Variants in MS4A12 observed in about 807,000 individuals in gnomAD.
The protein encoded by MS4A12 is membrane spanning 4-domains A12.
MS4A12 carries 28 observed loss-of-function variants against 23.7 expected under a neutral mutation model. The observed-to-expected ratio is 1.18, with a 90% CI of 0.88 to 1.62. MS4A12 has a LOEUF of 1.62. Among genes scored for constraint, MS4A12 ranks in the 40% most tolerant of loss-of-function variants. The pLI, the probability that MS4A12 is intolerant of heterozygous loss-of-function variation, is 0.00. For missense variants in MS4A12, 342 were observed against 327.0 expected (o/e 1.05, Z -0.35); for synonymous variants, 108 against 110.1 (o/e 0.98, Z 0.12).
chr11:60,502,447 T>A (rs1338460049), intron 4 of MS4A12, among the ~76,000 whole-genome samples: 2 of 152,244 alleles, frequency 1.3e-5, no homozygotes, highest in Non-Finnish European at 2.9e-5. Context: ...CTTGTATTTT[T>A]ATTTTTTTAT....
At chr11:60,501,683 TA>T (rs1000600994) in intron 3 of MS4A12, among the ~76,000 whole-genome samples, 1 of 152,080 alleles carries the variant, frequency 6.6e-6, no homozygotes, top group African/African-American at 2.4e-5. Context: ...ACTCAATCTC[TA>T]AAAAAATTTT....
chr11:60,506,516 C>G (rs574397660), intron 5 of MS4A12, among the ~76,000 whole-genome samples: 1 of 152,066 alleles, frequency 6.6e-6, no homozygotes, highest in East Asian at 1.9e-4. Flanking sequence ...AACAAAATAG[C>G]CTACTTACCA....
intron 4 of MS4A12, among the ~76,000 whole-genome samples, chr11:60,502,255 T>G (rs989112575): frequency 2.0e-5 from 3 of 152,196 alleles, no homozygotes; most frequent in Non-Finnish European, 4.4e-5. Context: ...GACTCTTGAA[T>G]TCACAAAGGT....
At chr11:60,502,184 G>A (rs758170597) in intron 4 of MS4A12, 145 bp downstream of exon 4, 13 of 763,678 alleles carry the variant, frequency 1.7e-5, no homozygotes, top group South Asian at 1.3e-4. Context: ...TGGTCTGAGC[G>A]CTGGGGTGAG....
chr11:60,500,272 A>C (rs558766831), intron 2 of MS4A12, among the ~76,000 whole-genome samples: 21 of 151,448 alleles, frequency 1.4e-4, no homozygotes, highest in South Asian at 2.1e-4. Flanking sequence ...AAAAAAAAAA[A>C]CAATATAAAT....
intron 5 of MS4A12, among the ~76,000 whole-genome samples, chr11:60,505,480 A>C (rs1366461047): frequency 6.6e-6 from 1 of 151,126 alleles, no homozygotes; most frequent in Non-Finnish European, 1.5e-5. Flanking sequence ...CAAGAACAAA[A>C]TTCACCCTCC....
intron 3 of MS4A12, among the ~76,000 whole-genome samples, 174 bp downstream of exon 3, chr11:60,501,356 G>A (rs1294542091): frequency 6.6e-6 from 1 of 152,148 alleles, no homozygotes; most frequent in Non-Finnish European, 1.5e-5. Flanking sequence ...GGAGAATTTA[G>A]AAAAATTAAC....
intron 2 of MS4A12, chr11:60,498,145 G>A (rs1221804363): frequency 6.6e-6 from 1 of 152,302 alleles, no homozygotes; most frequent in African/African-American, 2.4e-5. Context: ...TGTTTCTGTA[G>A]GCATTGTAAA....
intron 4 of MS4A12, 146 bp from the exon 5 acceptor site, chr11:60,503,555 C>A: frequency 1.6e-6 from 1 of 638,226 alleles, no homozygotes. Context: ...GGTAATTACC[C>A]AGAAGGGCAG....
chr11:60,503,210 CAGAG>C (rs141019565), intron 4 of MS4A12, among the ~76,000 whole-genome samples: 2,022 of 152,228 alleles, frequency 0.013, 43 homozygotes, highest in African/African-American at 0.045. Flanking sequence ...ATTTAGTCCC[CAGAG>C]AGACTTAGGG....
chr11:60,501,958 C>A (rs1464697963), intron 3 of MS4A12, 25 bp from the exon 4 acceptor site: 19 of 1,594,376 alleles, frequency 1.2e-5, no homozygotes, highest in Non-Finnish European at 1.6e-5. Context: ...ACCCATTTCA[C>A]AAATAAATTT....
intron 2 of MS4A12, among the ~76,000 whole-genome samples, chr11:60,498,592 C>T (rs1182593628): frequency 6.6e-6 from 1 of 152,126 alleles, no homozygotes; most frequent in Non-Finnish European, 1.5e-5. Flanking sequence ...CAATCTCTGC[C>T]CTCACAGAAC....
At chr11:60,498,283 C>T (rs935515960) in intron 2 of MS4A12, among the ~76,000 whole-genome samples, 1 of 152,174 alleles carries the variant, frequency 6.6e-6, no homozygotes, top group African/African-American at 2.4e-5. Context: ...TAAGTCTCTC[C>T]CTGTGAATAG....
At chr11:60,503,898 T>A in intron 5 of MS4A12, 81 bp downstream of exon 5, 1 of 1,190,420 alleles carries the variant, frequency 8.4e-7, no homozygotes, top group Non-Finnish European at 1.2e-6. Flanking sequence ...CTTAATACCG[T>A]ATACCAGCTC....
intron 1 of MS4A12, among the ~76,000 whole-genome samples, chr11:60,493,293 G>A (rs145185579): frequency 8.5e-4 from 128 of 151,400 alleles, no homozygotes; most frequent in South Asian, 5.2e-3. Context: ...GGAGAATCAC[G>A]TGAACTCGGG....
chr11:60,499,786 T>C (rs1425099999), intron 2 of MS4A12, among the ~76,000 whole-genome samples: 2 of 152,160 alleles, frequency 1.3e-5, no homozygotes, highest in Non-Finnish European at 2.9e-5. Flanking sequence ...GAAAAATAAA[T>C]TACAAATCTA....
At chr11:60,500,260 AC>A (rs143246589) in intron 2 of MS4A12, among the ~76,000 whole-genome samples, 4 of 150,780 alleles carry the variant, frequency 2.7e-5, no homozygotes, top group South Asian at 2.1e-4. Context: ...CCAAAAAAAA[AC>A]AAAAAAAAAA....
At chr11:60,506,397 C>T (rs557986855) in intron 5 of MS4A12, among the ~76,000 whole-genome samples, 1 of 151,936 alleles carries the variant, frequency 6.6e-6, no homozygotes, top group African/African-American at 2.4e-5. Context: ...TGGAATGATC[C>T]GTTGGTTTCT....
At chr11:60,506,170 GC>G (rs1347667260) in intron 5 of MS4A12, among the ~76,000 whole-genome samples, 1 of 152,112 alleles carries the variant, frequency 6.6e-6, no homozygotes, top group African/African-American at 2.4e-5. Flanking sequence ...CAAATAGAAA[GC>G]CTGTATAGAG....
Sources: gnomAD v4.1 joint callset for allele counts (sites outside exome capture counted in the v4.1 genomes callset) on GRCh38, gnomAD v4.1.1 for gene constraint, MANE v1.5 for transcripts, NCBI Gene and HGNC (gene_info 2026-07-23, HGNC 2026-07-21) for gene names.